TULP3: variants seen among roughly 807,000 people sequenced by gnomAD.
The protein encoded by TULP3 is tubby-related protein 3.
A neutral mutation model predicts 50.7 loss-of-function variants in TULP3; 38 were observed. The observed-to-expected ratio is 0.75, with a 90% confidence interval of 0.58 to 0.98. The LOEUF is 0.98. Among genes scored for constraint, TULP3 ranks in the 50% least tolerant of loss-of-function variants. The probability of loss-of-function intolerance (pLI) is 0.00; values close to 1 mark genes in which losing one functional copy is unlikely to be tolerated. For missense variants in TULP3, 550 were observed against 568.0 expected (o/e 0.97, Z 0.32); for synonymous variants, 183 against 196.6 (o/e 0.93, Z 0.58).
chr12:2,904,214 C>T (rs2098180936), intron 1 of TULP3, among the ~76,000 whole-genome samples: 1 of 152,160 alleles, frequency 6.6e-6, no homozygotes, highest in Admixed American at 6.6e-5. Context: ...CTTTCCTAGT[C>T]TAGGTTTTTT....
At chr12:2,902,730 G>A (rs1422703904) in intron 1 of TULP3, among the ~76,000 whole-genome samples, 1 of 152,148 alleles carries the variant, frequency 6.6e-6, no homozygotes, top group Non-Finnish European at 1.5e-5. Flanking sequence ...TAGCAATGGA[G>A]AGTAACGTTT....
At position 2,940,332 on chromosome 12, in the gene TULP3, A is replaced by ATT. The variant is rs1460416482; in HGVS notation, c.*888_*889insTT. On this transcript the variant is annotated 3_prime_UTR_variant, in exon 11 of 11. Transcript: ENST00000448120. ...CCATTTAGTTTAGTTAAAAAAAAAAAAAAAAAGGTGGCAGGAGAGGCTTTG... is the reference window on the plus strand; with the variant it reads ...CCATTTAGTTTAGTTAAAAAAAAAAATTAAAAAAGGTGGCAGGAGAGGCTTTG... The ATT allele has an allele frequency of 6.8e-7, 1 of 1,465,324 alleles. No homozygotes were observed. The highest frequency in any genetic ancestry group is 9.0e-7 in the Non-Finnish European group (1 of 1,113,326). 90.8% of individuals were successfully genotyped at this position (1,465,324 alleles called of 1,614,324 possible).
intron 7 of TULP3, 25 bp downstream of exon 7, chr12:2,933,555 CCTATT>C (rs1178528352): frequency 1.4e-6 from 2 of 1,432,496 alleles, no homozygotes; most frequent in Admixed American, 3.4e-5. Flanking sequence ...AGATCACTGT[CCTATT>C]CTTTCTGATA....
In TULP3 at chr12:2,922,321, T is replaced by C; in HGVS notation, c.313T>C (p.Ser105Pro). The C allele has an allele frequency of 3.7e-6, 6 of 1,614,144 alleles. No individual in the cohort carries two copies. Among genetic ancestry groups the C allele is most frequent in the Non-Finnish European group, 1.7e-6 (2 of 1,180,018 alleles). Reference protein sequence around the residue: ...PDEVHAPSVSSSVVEEDAENT... With the variant: ...PDEVHAPSVSPSVVEEDAENT... ...CGAAGTTCATGCTCCATCAGTAAGC[T>C]CCTCTGTTGTGGAAGAAGATGCTGA... Residue 105 changes from serine (S) to proline (P), a missense_variant, in exon 4 of 11, where the codon TCC (serine) becomes CCC (proline). Coordinates refer to ENST00000448120, the MANE Select transcript of TULP3 (RefSeq NM_003324.5).
chr12:2,909,508 T>A (rs746632624), intron 1 of TULP3, 21 bp from the exon 2 acceptor site: 2 of 1,535,904 alleles, frequency 1.3e-6, no homozygotes, highest in South Asian at 2.4e-5. Flanking sequence ...ATACTTGCTT[T>A]ATTTTTTTTT....
chr12:2,891,715 C>T (rs1324108379), intron 1 of TULP3, among the ~76,000 whole-genome samples: 2 of 152,022 alleles, frequency 1.3e-5, no homozygotes, highest in African/African-American at 4.8e-5. Context: ...GGATTTAAGC[C>T]CTACACGCCA....
At chr12:2,913,200 T>TG (rs1491330347) in intron 2 of TULP3, among the ~76,000 whole-genome samples, 2,493 of 130,888 alleles carry the variant, frequency 0.019, 75 homozygotes, top group African/African-American at 0.068. Context: ...TTATGTTGAG[T>TG]TTGTGTGTGT....
At chr12:2,922,854 A>ATTTT (rs1232709197) in intron 4 of TULP3, among the ~76,000 whole-genome samples, 5 of 101,926 alleles carry the variant, frequency 4.9e-5, no homozygotes, top group Admixed American at 9.9e-5. Flanking sequence ...TTAGAAAAAT[A>ATTTT]ATTTTTTTTT....
At chr12:2,923,545 G>T (rs2153949740) in intron 4 of TULP3, among the ~76,000 whole-genome samples, 1 of 152,018 alleles carries the variant, frequency 6.6e-6, no homozygotes, top group African/African-American at 2.4e-5. Context: ...CAGCTACTCT[G>T]GAGGCTGAGG....
chr12:2,929,069 A>G (rs138026686), intron 4 of TULP3, among the ~76,000 whole-genome samples: 1,938 of 149,292 alleles, frequency 0.013, 39 homozygotes, highest in African/African-American at 0.045. Flanking sequence ...TTTTTTTTTA[A>G]GAGTTCGGGT....
In TULP3 at chr12:2,939,889, T is replaced by C. The variant is rs908672477; in HGVS notation, c.*445T>C. 3 of 1,231,240 alleles carry C rather than the reference T, an allele frequency of 2.4e-6. No individual in the cohort carries two copies. The highest frequency in any genetic ancestry group is 3.1e-5 in the African/African-American group (2 of 64,304). 76.3% of individuals were successfully genotyped at this position (1,231,240 alleles called of 1,614,324 possible). A position where few individuals can be genotyped will look rare whatever the true frequency, so the allele number is the denominator to read the frequency against. On this transcript the variant is annotated 3_prime_UTR_variant, in exon 11 of 11. Coordinates refer to ENST00000448120, the MANE Select transcript of TULP3 (RefSeq NM_003324.5). This position sits in a 1 kb window ranked among gnomAD's most constrained non-coding sequence, Gnocchi z 4.0. ...ATCACAGCTTAGCATGGGTGAGAGA[T>C]GATTTAAAGCACAGGGAGATTCTTG...
At chr12:2,907,737 T>C (rs546529880) in intron 1 of TULP3, among the ~76,000 whole-genome samples, 90 of 150,654 alleles carry the variant, frequency 6.0e-4, no homozygotes, top group Middle Eastern at 6.8e-3. Context: ...TCTTTTTTTG[T>C]CACACTATAT....
At chr12:2,901,837 T>G (rs2153948109) in intron 1 of TULP3, among the ~76,000 whole-genome samples, 1 of 152,330 alleles carries the variant, frequency 6.6e-6, no homozygotes, top group East Asian at 1.9e-4. Flanking sequence ...CAAAAGTTTT[T>G]CATTTTGATG....
intron 4 of TULP3, among the ~76,000 whole-genome samples, chr12:2,928,697 C>T (rs1271301867): frequency 2.0e-5 from 3 of 152,166 alleles, no homozygotes; most frequent in African/African-American, 7.2e-5. Flanking sequence ...AATCCCAGCA[C>T]TTTGTGAGGC....
chr12:2,911,973 A>C (rs1182349668), intron 2 of TULP3, among the ~76,000 whole-genome samples: 1 of 151,900 alleles, frequency 6.6e-6, no homozygotes, highest in African/African-American at 2.4e-5. Context: ...TCTTAAAAAA[A>C]AAAAGTGTAT....
In TULP3 at chr12:2,927,574, C is replaced by T. The variant is rs371619998; in HGVS notation, c.395-2674C>T. 3.9e-4 allele frequency among the ~76,000 whole-genome samples: 59 copies of T among 151,886 alleles called. 1 individual carries two copies. In the South Asian group the frequency reaches 8.5e-3, roughly 22 times the overall value. On this transcript the variant is annotated intron_variant, in intron 4 of 10. Transcript: ENST00000448120. ...TTCACCTTATTGGCCAGGCTGATCT[C>T]GAATTTCTGACCTTGTGATCCACCC...
intron 4 of TULP3, among the ~76,000 whole-genome samples, chr12:2,926,690 C>T (rs1434997969): frequency 1.3e-5 from 2 of 152,068 alleles, no homozygotes; most frequent in African/African-American, 2.4e-5. Flanking sequence ...TACCTGACAT[C>T]AGGAGTTCGA....
At chr12:2,920,140 TG>T (rs2098190822) in intron 2 of TULP3, among the ~76,000 whole-genome samples, 2 of 152,174 alleles carry the variant, frequency 1.3e-5, no homozygotes, top group South Asian at 4.1e-4. Flanking sequence ...CATGTGTGTT[TG>T]TATGTTTTGA....
At position 2,940,756 on chromosome 12, in the gene TULP3, T is replaced by G; in HGVS notation, c.*1312T>G. 1 of 1,528,678 alleles carries G rather than the reference T, an allele frequency of 6.5e-7. No homozygotes were observed. The highest frequency in any genetic ancestry group is 8.8e-7 in the Non-Finnish European group (1 of 1,133,122). 94.7% of individuals were successfully genotyped at this position (1,528,678 alleles called of 1,614,324 possible). A position where few individuals can be genotyped will look rare whatever the true frequency, so the allele number is the denominator to read the frequency against. On this transcript the variant is annotated 3_prime_UTR_variant, in exon 11 of 11. Coordinates refer to ENST00000448120, the MANE Select transcript of TULP3 (RefSeq NM_003324.5). ...GGGCCAACTGGCAGCTGCGGGACCC[T>G]TGGCTTGTCCCCCACCGACAAGTCC...
Sources: allele counts gnomAD v4.1 joint callset (sites outside exome capture counted in the v4.1 genomes callset), GRCh38; gene constraint gnomAD v4.1.1; non-coding constraint Gnocchi (gnomAD v3.1); transcripts MANE v1.5; gene names NCBI Gene and HGNC (gene_info 2026-07-23, HGNC 2026-07-21).